GRIK1: variants seen among roughly 807,000 people sequenced by gnomAD.
GRIK1 encodes the protein glutamate receptor ionotropic, kainate 1.
Under a neutral mutation model 105.7 loss-of-function variants are expected in GRIK1, and 69 were observed. The observed-to-expected ratio is 0.65, with a 90% CI of 0.54 to 0.80. The LOEUF (loss-of-function observed/expected upper bound fraction) is 0.80. Ranked by LOEUF, GRIK1 falls within the 30% of genes least tolerant of loss-of-function variation. GRIK1 has a pLI of 0.00. For missense variants in GRIK1, 1,109 were observed against 1,167.3 expected, an observed-to-expected ratio of 0.95 and a Z score of 0.73; for synonymous variants, 438 against 431.3, an observed-to-expected ratio of 1.02 and a Z score of -0.19.
chr21:29,934,523 A>T (rs561902515), intron 1 of GRIK1, among the ~76,000 whole-genome samples: 5 of 152,284 alleles, frequency 3.3e-5, no homozygotes, highest in African/African-American at 1.2e-4. Flanking sequence ...CTGAAATCAA[A>T]TATAAGAGAA....
At chr21:29,822,765 A>G (rs780336919) in intron 1 of GRIK1, among the ~76,000 whole-genome samples, 4 of 152,020 alleles carry the variant, frequency 2.6e-5, no homozygotes, top group East Asian at 1.9e-4. Flanking sequence ...GCTCTTCAAC[A>G]TAGGGCACCA....
At chr21:29,560,299 CTT>C (rs1312017427) in intron 15 of GRIK1, among the ~76,000 whole-genome samples, 1 of 99,980 alleles carries the variant, frequency 1.0e-5, no homozygotes, top group Non-Finnish European at 2.0e-5. Context: ...TTCTTTCTTT[CTT>C]TCTTTCTTTC....
intron 14 of GRIK1, among the ~76,000 whole-genome samples, chr21:29,566,897 A>C (rs1002679065): frequency 2.7e-5 from 4 of 150,458 alleles, no homozygotes; most frequent in African/African-American, 5.0e-5. Context: ...CTATCTCTTA[A>C]TACACAGAGC....
At chr21:29,877,706 A>C (rs1381907168) in intron 1 of GRIK1, among the ~76,000 whole-genome samples, 2 of 152,154 alleles carry the variant, frequency 1.3e-5, no homozygotes, top group Admixed American at 1.3e-4. Context: ...TGATTATTGG[A>C]GTAAATAGTA....
rs3054331 is a variant in GRIK1 at position 29,656,354 on chromosome 21, C to CAAAAAAAAA, written c.727-1500_727-1492dup. Among the ~76,000 whole-genome samples the CAAAAAAAAA allele has an allele frequency of 3.9e-3, 201 of 51,106 alleles. 27 individuals are homozygous for CAAAAAAAAA. Among genetic ancestry groups the CAAAAAAAAA allele is most frequent in the East Asian group, 8.1e-3 (10 of 1,236 alleles). 33.5% of individuals were successfully genotyped at this position (51,106 alleles called of 152,430 possible). A position where few individuals can be genotyped will look rare whatever the true frequency, so the allele number is the denominator to read the frequency against. On this transcript the variant is annotated intron_variant, in intron 4 of 17. Coordinates refer to ENST00000327783, the MANE Select transcript of GRIK1 (RefSeq NM_001330994.2). ...CCAGCCTGGGGGCCAGAGCGAGACT[C>CAAAAAAAAA]AAAAAAAAAAAAAAAAAAAAAAAAA... is the stretch of plus-strand genomic sequence containing the variant.
At chr21:29,678,564 C>T (rs1487685694) in intron 3 of GRIK1, among the ~76,000 whole-genome samples, 1 of 151,840 alleles carries the variant, frequency 6.6e-6, no homozygotes, top group Non-Finnish European at 1.5e-5. Context: ...GTTTCCTGGG[C>T]ATAGTTCTGA....
intron 7 of GRIK1, among the ~76,000 whole-genome samples, chr21:29,606,379 A>G (rs1346491985): frequency 1.3e-5 from 2 of 152,118 alleles, no homozygotes; most frequent in South Asian, 2.1e-4. Context: ...ATATCCACCC[A>G]TCAGCTAGGT....
intron 16 of GRIK1, among the ~76,000 whole-genome samples, chr21:29,548,085 T>C (rs1178721253): frequency 1.3e-5 from 2 of 152,230 alleles, no homozygotes; most frequent in Non-Finnish European, 2.9e-5. Flanking sequence ...TAAATTAAAA[T>C]ATTTTAGTTG....
chr21:29,655,625 G>A (rs1356633710), intron 4 of GRIK1, among the ~76,000 whole-genome samples: 1 of 152,122 alleles, frequency 6.6e-6, no homozygotes, highest in Non-Finnish European at 1.5e-5. Context: ...ATGTAGATAT[G>A]TTTAAATGAA....
At chr21:29,597,051 G>T (rs542367694) in intron 8 of GRIK1, among the ~76,000 whole-genome samples, 1 of 152,244 alleles carries the variant, frequency 6.6e-6, no homozygotes, top group East Asian at 1.9e-4. Context: ...TTTCTGGGCA[G>T]TAGAAATTTG....
chr21:29,559,999 G>T (rs1461404019), intron 15 of GRIK1, among the ~76,000 whole-genome samples: 1 of 152,080 alleles, frequency 6.6e-6, no homozygotes, highest in Non-Finnish European at 1.5e-5. Context: ...TATGGTATCT[G>T]CTTGGCCTCT....
chr21:29,762,875 G>A (rs76797174), intron 1 of GRIK1, among the ~76,000 whole-genome samples: 148 of 152,260 alleles, frequency 9.7e-4, no homozygotes, highest in East Asian at 7.5e-3. Context: ...TGAAATACTG[G>A]ATATGTCACA....
At chr21:29,680,920 G>A (rs570300025) in intron 3 of GRIK1, among the ~76,000 whole-genome samples, 1 of 152,154 alleles carries the variant, frequency 6.6e-6, no homozygotes, top group Non-Finnish European at 1.5e-5. Context: ...GGATCACGAG[G>A]TCAGGAGTTC....
At chr21:29,678,479 T>C (rs768583325) in intron 3 of GRIK1, among the ~76,000 whole-genome samples, 1 of 152,142 alleles carries the variant, frequency 6.6e-6, no homozygotes, top group Non-Finnish European at 1.5e-5. Context: ...CACCAGTATA[T>C]GTTGGTGCTG....
At chr21:29,633,491 T>C (rs2062330421) in intron 7 of GRIK1, among the ~76,000 whole-genome samples, 1 of 151,946 alleles carries the variant, frequency 6.6e-6, no homozygotes, top group African/African-American at 2.4e-5. Context: ...AGTGAGACTC[T>C]GTCTCTAAAA....
intron 1 of GRIK1, among the ~76,000 whole-genome samples, chr21:29,712,961 G>C (rs905754736): frequency 6.6e-6 from 1 of 151,646 alleles, no homozygotes; most frequent in Non-Finnish European, 1.5e-5. Context: ...TTCACATTGA[G>C]ATAAGAGTTG....
intron 1 of GRIK1, among the ~76,000 whole-genome samples, chr21:29,864,848 A>G (rs1009892717): frequency 6.6e-6 from 1 of 152,166 alleles, no homozygotes; most frequent in Non-Finnish European, 1.5e-5. Context: ...ACTCAACCCA[A>G]GGAGATTTTG....
chr21:29,884,716 C>A (rs1215634621), intron 1 of GRIK1, among the ~76,000 whole-genome samples: 3 of 152,086 alleles, frequency 2.0e-5, no homozygotes, highest in Admixed American at 6.6e-5. Context: ...TAGTTATTAT[C>A]TCCACCTTCA....
intron 16 of GRIK1, among the ~76,000 whole-genome samples, chr21:29,553,036 AG>A (rs2090161507): frequency 1.3e-5 from 2 of 152,082 alleles, no homozygotes; most frequent in African/African-American, 4.8e-5. Context: ...TCGTGGAATC[AG>A]TTTCAATTAA....
Sources: allele counts gnomAD v4.1 joint callset (sites outside exome capture counted in the v4.1 genomes callset), GRCh38; gene constraint gnomAD v4.1.1; transcripts MANE v1.5; gene names NCBI Gene and HGNC (gene_info 2026-07-23, HGNC 2026-07-21).